FRYL: variants seen among roughly 807,000 people sequenced by gnomAD.
FRYL encodes protein furry homolog-like.
In FRYL, 150 loss-of-function variants were observed where a neutral mutation model predicts 351.2. That is an observed-to-expected ratio of 0.43 (90% CI 0.37 to 0.49). FRYL has a LOEUF of 0.49. FRYL is among the 20% of genes least tolerant of loss of function. The probability of loss-of-function intolerance (pLI) is 0.00; values close to 1 mark genes in which losing one functional copy is unlikely to be tolerated. For synonymous variants in FRYL, 1,153 were observed against 1,257.1 expected (o/e 0.92, Z 1.75); for missense variants, 3,036 against 3,619.3 (o/e 0.84, Z 4.13).
chr4:48,499,651 C>A lies in FRYL; in HGVS notation c.8813G>T (p.Ser2938Ile). 6.2e-7 allele frequency: 1 copy of A among 1,614,018 alleles called. No individual in the cohort carries two copies. Among genetic ancestry groups the A allele is most frequent in the Admixed American group, 1.7e-5 (1 of 60,018 alleles). The change falls in exon 64 of 64, where the codon AGT becomes ATT. Residue 2938 changes from serine to isoleucine, a missense_variant. Transcript: ENST00000358350. ...RSLWPSDIFGSCEDDPVQTLL... is the reference protein window; with the variant it reads ...RSLWPSDIFGICEDDPVQTLL... ...TGTCTGTACAGGGTCATCTTCACAA[C>A]TGCCAAAGATATCACTGGGCCAGAG...
At chr4:48,533,102 T>C (rs552876339) in intron 49 of FRYL, among the ~76,000 whole-genome samples, 2 of 152,002 alleles carry the variant, frequency 1.3e-5, no homozygotes, top group East Asian at 3.9e-4. Flanking sequence ...AGATGGGGAG[T>C]GTGCAGTTCA....
rs1748218677 is a variant in FRYL, at chr4:48,611,590, C to T, written c.412-1767G>A. On this transcript the variant is annotated intron_variant, in intron 7 of 63. Coordinates refer to ENST00000358350, the MANE Select transcript of FRYL (RefSeq NM_015030.2). ...TCTAGTAGTGCAGGTCCTCTCCTTA[C>T]TTTTCTTCAGAGATAGCTTGGCTAT... Among the ~76,000 whole-genome samples the T allele has an allele frequency of 2.6e-5, 4 of 151,984 alleles. No individual in the cohort carries two copies. In the South Asian group the frequency reaches 8.3e-4, roughly 32 times the overall value.
intron 3 of FRYL, among the ~76,000 whole-genome samples, chr4:48,674,857 G>GA (rs1763322954): frequency 1.3e-5 from 2 of 151,524 alleles, no homozygotes; most frequent in Non-Finnish European, 2.9e-5. Context: ...GAAATTGGGG[G>GA]AAAAACAGAT....
At chr4:48,619,474 G>A (rs1750216114) in intron 6 of FRYL, 104 bp from the exon 7 acceptor site, 1 of 581,418 alleles carries the variant, frequency 1.7e-6, no homozygotes, top group East Asian at 3.1e-5. Context: ...TATGTAAAAT[G>A]TGCTACAGCA....
At chr4:48,557,336 TAAAG>T in intron 34 of FRYL, 113 bp downstream of exon 34, 2 of 1,379,358 alleles carry the variant, frequency 1.4e-6, no homozygotes, top group South Asian at 2.9e-5. Flanking sequence ...GAGTCTTTTT[TAAAG>T]AAAGATATTT....
intron 3 of FRYL, among the ~76,000 whole-genome samples, chr4:48,664,149 C>A (rs1024924966): frequency 6.6e-6 from 1 of 152,230 alleles, no homozygotes; most frequent in African/African-American, 2.4e-5. Context: ...TGGGCTCTTC[C>A]ATTTACCTGA....
intron 50 of FRYL, among the ~76,000 whole-genome samples, chr4:48,528,737 T>C (rs1303050542): frequency 2.0e-5 from 3 of 152,170 alleles, no homozygotes; most frequent in Non-Finnish European, 4.4e-5. Flanking sequence ...TGTTAAATTT[T>C]GGCGCTTTTT....
At chr4:48,579,303 A>C in intron 22 of FRYL, 62 bp from the exon 23 acceptor site, 1 of 1,373,998 alleles carries the variant, frequency 7.3e-7, no homozygotes, top group Non-Finnish European at 9.9e-7. Context: ...TTTACCATAT[A>C]AATTGCTTTA....
At chr4:48,543,778 A>G (rs1338831137) in intron 44 of FRYL, 29 bp downstream of exon 44, 6 of 1,595,496 alleles carry the variant, frequency 3.8e-6, no homozygotes, top group Admixed American at 1.7e-5. Context: ...TAGCTGCTCA[A>G]TAACTGCTGA....
Position 48,546,287 on chromosome 4 carries a change from C to A in FRYL, c.5075-16G>T, listed in dbSNP as rs373701631. ...TTAATGCCTGCTGAAAGAGAAAGAT[C>A]GTCATGAATACCTAAAACATGAAAG... is the stretch of plus-strand genomic sequence containing the variant. On this transcript the variant is annotated splice_polypyrimidine_tract_variant and intron_variant, in intron 41 of 63. Coordinates refer to ENST00000358350, the MANE Select transcript of FRYL (RefSeq NM_015030.2). 1.3e-5 allele frequency: 20 copies of A among 1,578,588 alleles called. No individual in the cohort carries two copies. Among genetic ancestry groups the A allele is most frequent in the South Asian group, 4.4e-5 (4 of 90,124 alleles).
intron 45 of FRYL, 56 bp from the exon 46 acceptor site, chr4:48,541,016 T>A (rs1730024264): frequency 7.0e-7 from 1 of 1,425,476 alleles, no homozygotes; most frequent in Non-Finnish European, 9.3e-7. Context: ...TTTGCTAAAT[T>A]AATTTTACTT....
intron 2 of FRYL, among the ~76,000 whole-genome samples, chr4:48,687,492 C>CGGGGGGGGGGG (rs561805370): frequency 8.6e-5 from 4 of 46,586 alleles, no homozygotes; most frequent in Admixed American, 2.8e-4. Context: ...CAAATGAGGT[C>CGGGGGGGGGGG]GGGGGGGGGG....
intron 7 of FRYL, among the ~76,000 whole-genome samples, chr4:48,611,491 A>T (rs1748191073): frequency 6.6e-6 from 1 of 152,042 alleles, no homozygotes; most frequent in Non-Finnish European, 1.5e-5. Context: ...TTGTTCTATC[A>T]ATCAATTTGT....
At chr4:48,663,849 A>AGT (rs1196457877) in intron 3 of FRYL, among the ~76,000 whole-genome samples, 1 of 151,266 alleles carries the variant, frequency 6.6e-6, no homozygotes, top group Non-Finnish European at 1.5e-5. Context: ...GGATATTAGA[A>AGT]GTGTGTGTGT....
chr4:48,750,982 A>G (rs1181279864), intron 1 of FRYL, among the ~76,000 whole-genome samples: 2 of 152,226 alleles, frequency 1.3e-5, no homozygotes, highest in Non-Finnish European at 2.9e-5. Flanking sequence ...AACTGACTTC[A>G]GGCTGAGCAA....
intron 1 of FRYL, among the ~76,000 whole-genome samples, chr4:48,768,496 A>C (rs1280102641): frequency 6.6e-6 from 1 of 152,218 alleles, no homozygotes; most frequent in East Asian, 1.9e-4. Context: ...TGAAGAGTCC[A>C]TAGACTTGAC....
At chr4:48,544,613 T>G (rs2148953637) in intron 43 of FRYL, among the ~76,000 whole-genome samples, 170 bp downstream of exon 43, 1 of 152,182 alleles carries the variant, frequency 6.6e-6, no homozygotes, top group East Asian at 1.9e-4. Flanking sequence ...CATTTTTAAG[T>G]AGTAACTTAA....
At chr4:48,528,369 A>C in intron 50 of FRYL, 33 bp from the exon 51 acceptor site, 1 of 1,554,586 alleles carries the variant, frequency 6.4e-7, no homozygotes, top group African/African-American at 1.4e-5. Flanking sequence ...TGTTTGGCTC[A>C]AATATTTCAA....
At chr4:48,766,290 G>A (rs1395766615) in intron 1 of FRYL, among the ~76,000 whole-genome samples, 1 of 152,086 alleles carries the variant, frequency 6.6e-6, no homozygotes, top group Non-Finnish European at 1.5e-5. Flanking sequence ...AAGCTGCAGG[G>A]GCTAGTCAGA....
Sources: gnomAD v4.1 joint callset for allele counts (sites outside exome capture counted in the v4.1 genomes callset) on GRCh38, gnomAD v4.1.1 for gene constraint, MANE v1.5 for transcripts, NCBI Gene and HGNC (gene_info 2026-07-23, HGNC 2026-07-21) for gene names.